The following SACS variants were observed in gnomAD, a reference collection of about 807,000 sequenced individuals.
The protein encoded by SACS is sacsin molecular chaperone, also known as sacsin.
SACS carries 197 observed loss-of-function variants against 348.0 expected under a neutral mutation model. The ratio of observed to expected loss-of-function variants is 0.57; its 90% CI spans 0.50 to 0.64. The LOEUF is 0.64. SACS is among the 30% of genes least tolerant of loss of function. The pLI is 0.00. For missense variants in SACS, 4,999 were observed against 5,360.8 expected (o/e 0.93, Z 2.11); for synonymous variants, 1,985 against 1,910.6 (o/e 1.04, Z -1.02).
chr13:23,388,356 A>G (rs1872383766), intron 2 of SACS, among the ~76,000 whole-genome samples: 1 of 149,448 alleles, frequency 6.7e-6, no homozygotes, highest in Non-Finnish European at 1.5e-5. Context: ...AAAAGAAAAA[A>G]CAAAAGATAT....
In SACS at chr13:23,420,069, G is replaced by A. The variant is rs115967224; in HGVS notation, c.-501-8329C>T. Among the ~76,000 whole-genome samples, 1,178 of 152,254 alleles carry A rather than the reference G, an allele frequency of 7.7e-3. 17 individuals carry two copies. Among genetic ancestry groups the A allele is most frequent in the African/African-American group, 0.027 (1,101 of 41,530 alleles). Reference sequence around the variant, plus strand: ...GGGACCTGGTGTTCACCTAGGGCCCGATAGTCACCGGGGGACTGGGTATGT... The same window carrying A: ...GGGACCTGGTGTTCACCTAGGGCCCAATAGTCACCGGGGGACTGGGTATGT... On this transcript the variant is annotated intron_variant, in intron 1 of 9. Coordinates refer to ENST00000382292, the MANE Select transcript of SACS (RefSeq NM_014363.6).
chr13:23,429,216 A>G (rs992477366), intron 1 of SACS, among the ~76,000 whole-genome samples: 2 of 152,108 alleles, frequency 1.3e-5, no homozygotes, highest in Non-Finnish European at 2.9e-5. Flanking sequence ...ATATTATCTA[A>G]TAATATTGAC....
intron 8 of SACS, 45 bp from the exon 9 acceptor site, chr13:23,353,921 T>C (rs768255539): frequency 1.1e-5 from 12 of 1,097,784 alleles, no homozygotes; most frequent in Admixed American, 1.7e-5. Flanking sequence ...TTCCCACAAT[T>C]CCAAGATTTT....
At chr13:23,412,176 G>A (rs1316438182) in intron 1 of SACS, among the ~76,000 whole-genome samples, 2 of 151,982 alleles carry the variant, frequency 1.3e-5, no homozygotes, top group African/African-American at 4.8e-5. Context: ...GGAGAATGGC[G>A]TGAACCCGGG....
chr13:23,392,506 C>G (rs1419418289), intron 2 of SACS, among the ~76,000 whole-genome samples: 1 of 152,178 alleles, frequency 6.6e-6, no homozygotes, highest in Non-Finnish European at 1.5e-5. Flanking sequence ...TGTGTTGTTT[C>G]TGGAGAAGGG....
At position 23,409,040 on chromosome 13, in the gene SACS, C is replaced by CTT. The variant is rs1175897856; in HGVS notation, c.20+2178_20+2179dup. Among the ~76,000 whole-genome samples, 30 of 35,148 alleles carry CTT rather than the reference C, an allele frequency of 8.5e-4. 5 individuals are homozygous for CTT. The highest frequency in any genetic ancestry group is 1.4e-3 in the Non-Finnish European group (28 of 20,390). The allele number at this position is 35,148 out of a possible 152,430, so 23.1% of individuals were successfully genotyped here. On this transcript the variant is annotated intron_variant, in intron 2 of 9. Coordinates refer to ENST00000382292, the MANE Select transcript of SACS (RefSeq NM_014363.6). ...TATGGTCTTAATAAAACAAGTTTTA[C>CTT]TTTTTTTTTTTTTTTTTTTTTTTTT...
chr13:23,344,318 G>C (rs568445283), intron 9 of SACS, among the ~76,000 whole-genome samples: 1 of 152,024 alleles, frequency 6.6e-6, no homozygotes, highest in Non-Finnish European at 1.5e-5. Context: ...ATGAAATTTG[G>C]CAATTTATAA....
chr13:23,334,932 A>G lies in SACS; in HGVS notation c.8944T>C (p.Tyr2982His). ...PDLYCLVKAL[Y>H]NCIHEDMKRL... ...TTCATGTCTTCGTGAATGCAATTGT[A>G]AAGTGCTTTCACTAGACAATATAAA... The change falls in exon 10 of 10, where the codon TAC becomes CAC. Residue 2982 changes from tyrosine to histidine, a missense_variant. This residue lies in a region of SACS where 734 missense variants were observed against 694.0 expected (regional missense o/e 1.06). Transcript: ENST00000382292. 2 of 1,613,908 alleles carry G rather than the reference A, an allele frequency of 1.2e-6. No homozygotes were observed. Among genetic ancestry groups the G allele is most frequent in the Non-Finnish European group, 1.7e-6 (2 of 1,179,846 alleles).
In SACS at chr13:23,334,970, T is replaced by G; in HGVS notation, c.8906A>C (p.Asp2969Ala). 3.7e-6 allele frequency: 6 copies of G among 1,613,922 alleles called. No individual in the cohort carries two copies. The highest frequency in any genetic ancestry group is 5.1e-6 in the Non-Finnish European group (6 of 1,179,856). Reference sequence around the variant, plus strand: ...TAGACAATATAAATCTGGCTGTAGATCAAGACGGTTAACTGGGAAAAACGA... The same window carrying G: ...TAGACAATATAAATCTGGCTGTAGAGCAAGACGGTTAACTGGGAAAAACGA... ...FLSFFPVNRLDLQPDLYCLVK... is the reference protein window; with the variant it reads ...FLSFFPVNRLALQPDLYCLVK... The change falls in exon 10 of 10, where the codon GAT becomes GCT. Residue 2969 changes from aspartate to alanine, a missense_variant. Physicochemically the swap from Asp to Ala is moderately radical, Grantham distance 126. This residue lies in a region of SACS where 734 missense variants were observed against 694.0 expected (regional missense o/e 1.06). Coordinates refer to ENST00000382292, the MANE Select transcript of SACS (RefSeq NM_014363.6).
In SACS at chr13:23,341,619, T is replaced by C. The variant is rs781335067; in HGVS notation, c.2257A>G (p.Thr753Ala). Residue 753 changes from threonine (T) to alanine (A), a missense_variant, in exon 10 of 10, where the codon ACA (threonine) becomes GCA (alanine). By Grantham distance (58) the Thr-to-Ala change is moderately conservative (BLOSUM62 0). Coordinates refer to ENST00000382292, the MANE Select transcript of SACS (RefSeq NM_014363.6). The stretch of plus-strand genomic sequence containing the variant: ...ATCAATTCTCTGCCAGGCCAGAATG[T>C]ATTCATTACTTCCTTGATAAGACGT... Reference protein sequence around the residue: ...FARLIKEVMNTFWPGRELIVQ... With the variant: ...FARLIKEVMNAFWPGRELIVQ... The C allele has an allele frequency of 1.2e-6, 2 of 1,613,712 alleles. No individual in the cohort carries two copies. The highest frequency in any genetic ancestry group is 1.1e-5 in the South Asian group (1 of 91,088).
intron 2 of SACS, among the ~76,000 whole-genome samples, chr13:23,397,598 T>C (rs1872758549): frequency 6.6e-6 from 1 of 152,222 alleles, no homozygotes; most frequent in Admixed American, 6.5e-5. Context: ...CTCAGAATAA[T>C]TTCCTGTCCT....
intron 1 of SACS, among the ~76,000 whole-genome samples, chr13:23,414,221 G>A (rs548427476): frequency 1.2e-4 from 18 of 152,298 alleles, no homozygotes; most frequent in African/African-American, 4.1e-4. Flanking sequence ...GGAGAATGGT[G>A]TGAACCCGGA....
In SACS at chr13:23,337,880, A is replaced by G. The variant is rs766346866; in HGVS notation, c.5996T>C (p.Leu1999Pro). 6.2e-7 allele frequency: 1 copy of G among 1,613,922 alleles called. No individual in the cohort carries two copies. The highest frequency in any genetic ancestry group is 8.5e-7 in the Non-Finnish European group (1 of 1,179,944). ...TGCTGAACCAACATCTCTTCTTTTA[A>G]GTATAGAGTCATCTAGAAATCTTAC... The part of the protein sequence containing the change: ...KNVRFLDDSI[L>P]KRRDVGSAAF... Residue 1999 changes from leucine to proline, a missense_variant, in exon 10 of 10, where the codon CTT (leucine) becomes CCT (proline). By Grantham distance (98) the Leu-to-Pro change is moderately conservative. This residue lies in a region of SACS where 3,156 missense variants were observed against 3,380.1 expected (regional missense o/e 0.93). Coordinates refer to ENST00000382292, the MANE Select transcript of SACS (RefSeq NM_014363.6).
intron 6 of SACS, among the ~76,000 whole-genome samples, chr13:23,364,799 C>T (rs774491436): frequency 1.3e-5 from 2 of 152,086 alleles, no homozygotes; most frequent in African/African-American, 2.4e-5. Context: ...ACTCCTAAAG[C>T]GGAAAATACA....
Position 23,331,288 on chromosome 13 carries a change from T to C in SACS, c.12588A>G (p.Ser4196=), listed in dbSNP as rs767822283. The change falls in exon 10 of 10, where the codon TCA becomes TCG. Residue 4196 remains serine (S), a synonymous_variant. Coordinates refer to ENST00000382292, the MANE Select transcript of SACS (RefSeq NM_014363.6). The part of the protein sequence containing the change: ...VDAEGGDIYG[S]YQPTYTYAII... ...TTGCATATGTGTATGTTGGCTGGTA[T>C]GATCCATAGATATCACCACCTTCAG... 2 of 1,614,028 alleles carry C rather than the reference T, an allele frequency of 1.2e-6. No individual in the cohort carries two copies. Among genetic ancestry groups the C allele is most frequent in the Non-Finnish European group, 1.7e-6 (2 of 1,179,938 alleles).
At chr13:23,396,141 T>C (rs1352951065) in intron 2 of SACS, among the ~76,000 whole-genome samples, 4 of 152,040 alleles carry the variant, frequency 2.6e-5, no homozygotes, top group South Asian at 2.1e-4. Context: ...CTGGCCAACA[T>C]GGTGAAACCG....
intron 1 of SACS, chr13:23,427,507 A>T (rs932978945): frequency 6.6e-6 from 1 of 152,254 alleles, no homozygotes; most frequent in African/African-American, 2.4e-5. Context: ...TACTGTACAT[A>T]TGATCTCATT....
intron 6 of SACS, among the ~76,000 whole-genome samples, chr13:23,360,646 G>A (rs1870673038): frequency 6.6e-6 from 1 of 152,092 alleles, no homozygotes; most frequent in South Asian, 2.1e-4. Flanking sequence ...CTGCTTATAG[G>A]AAGCATTTGT....
intron 1 of SACS, among the ~76,000 whole-genome samples, chr13:23,415,293 A>C (rs1309266225): frequency 6.6e-6 from 1 of 152,184 alleles, no homozygotes; most frequent in Non-Finnish European, 1.5e-5. Flanking sequence ...CAGCCTTCCC[A>C]AAGTGCTGGG....
Sources: gnomAD v4.1 joint callset for allele counts (sites outside exome capture counted in the v4.1 genomes callset) on GRCh38, gnomAD v4.1.1 for gene constraint, gnomAD v4.1.1 regional missense constraint, MANE v1.5 for transcripts, NCBI Gene and HGNC (gene_info 2026-07-23, HGNC 2026-07-21) for gene names.